TNRC6B: variants seen among roughly 807,000 people sequenced by gnomAD.
The protein encoded by TNRC6B is trinucleotide repeat-containing gene 6B protein.
In TNRC6B, 52 loss-of-function variants were observed where a neutral mutation model predicts 203.6. The observed-to-expected ratio is 0.26, with a 90% CI of 0.20 to 0.32. The LOEUF is 0.32. TNRC6B is among the 10% of genes least tolerant of loss of function. The pLI, the probability that TNRC6B is intolerant of heterozygous loss-of-function variation, is 1.00. For synonymous variants in TNRC6B, 838 were observed against 845.7 expected (o/e 0.99, Z 0.16); for missense variants, 1,923 against 2,286.2 (o/e 0.84, Z 3.24).
chr22:40,251,313 A>G (rs2070189382), intron 3 of TNRC6B, 113 bp downstream of exon 3: 2 of 783,960 alleles, frequency 2.6e-6, no homozygotes, highest in South Asian at 4.2e-5. Context: ...AGAGTAATTA[A>G]GGTGGGTTGT....
chr22:40,130,792 A>T, intron 3 of TNRC6B, among the ~76,000 whole-genome samples: 1 of 151,708 alleles, frequency 6.6e-6, no homozygotes, highest in Middle Eastern at 3.4e-3. Context: ...AAAAAAAAAA[A>T]AAAAAAAAAA....
rs1028344515 is a variant in TNRC6B, at chr22:40,324,719, C to G, written c.*1478C>G. On this transcript the variant is annotated 3_prime_UTR_variant, in exon 23 of 23. Coordinates refer to ENST00000454349, the MANE Select transcript of TNRC6B (RefSeq NM_001162501.2). Reference sequence around the variant, plus strand: ...ACTTCAAGCGTTTCCTTTTGTTTCTCTGTGTTGTGTATTTCCTGTGTATGT... The same window carrying G: ...ACTTCAAGCGTTTCCTTTTGTTTCTGTGTGTTGTGTATTTCCTGTGTATGT... The G allele has an allele frequency of 1.2e-4, 18 of 152,722 alleles. No individual in the cohort carries two copies. The highest frequency in any genetic ancestry group is 4.3e-4 in the African/African-American group (18 of 41,548). The allele number at this position is 152,722 out of a possible 1,614,324, so 9.5% of individuals were successfully genotyped here.
chr22:40,286,427 T>C (rs866060546), intron 12 of TNRC6B, among the ~76,000 whole-genome samples: 1 of 151,952 alleles, frequency 6.6e-6, no homozygotes, highest in Non-Finnish European at 1.5e-5. Flanking sequence ...GAATCGCTTG[T>C]ACCCAGGAGG....
chr22:40,270,004 C>G (rs1179560388), intron 5 of TNRC6B, 118 bp from the exon 6 acceptor site: 15 of 989,970 alleles, frequency 1.5e-5, no homozygotes, highest in Non-Finnish European at 2.0e-5. Flanking sequence ...AAAGTTGAAT[C>G]TATTTACATT....
chr22:40,220,662 C>G (rs1042891241), intron 1 of TNRC6B, among the ~76,000 whole-genome samples: 3 of 152,136 alleles, frequency 2.0e-5, no homozygotes, highest in Admixed American at 6.5e-5. Context: ...TTTCCCATCT[C>G]CTTTCACCTT....
chr22:40,239,444 TTGTGGGGTC>T (rs1220960132), intron 1 of TNRC6B, among the ~76,000 whole-genome samples: 1 of 151,944 alleles, frequency 6.6e-6, no homozygotes, highest in Admixed American at 6.6e-5. Flanking sequence ...GGGGCAATAG[TTGTGGGGTC>T]TGCAGAAGAA....
chr22:40,322,991 C>T lies in TNRC6B; in HGVS notation c.5252C>T (p.Thr1751Ile), dbSNP rs779988655. ...APAAGWQSLE[T>I]GQNQSDPVGP... Reference sequence around the variant, plus strand: ...GCTGCGGGGTGGCAGTCGCTGGAGACCGGCCAGAACCAGTCAGATCCCGTG... The same window carrying T: ...GCTGCGGGGTGGCAGTCGCTGGAGATCGGCCAGAACCAGTCAGATCCCGTG... The change falls in exon 23 of 23, where the codon ACC becomes ATC. Residue 1751 changes from threonine (T) to isoleucine (I), a missense_variant. Thr to Ile is a moderately conservative substitution (Grantham distance 89). Around this residue, in one of 8 missense-constraint regions of TNRC6B, gnomAD observed 126 missense variants for 137.5 expected, o/e 0.92. Transcript: ENST00000454349. 8.1e-6 allele frequency: 13 copies of T among 1,609,672 alleles called. No homozygotes were observed. The East Asian group carries it at 2.5e-4, about 30-fold the overall frequency.
intron 1 of TNRC6B, among the ~76,000 whole-genome samples, chr22:40,057,699 T>C (rs1022175926): frequency 3.9e-5 from 6 of 152,216 alleles, no homozygotes; most frequent in Non-Finnish European, 7.3e-5. Flanking sequence ...GACCCCCTGG[T>C]CAGCATATCA....
At chr22:40,073,745 C>T (rs2067976812) in intron 1 of TNRC6B, among the ~76,000 whole-genome samples, 1 of 152,002 alleles carries the variant, frequency 6.6e-6, no homozygotes, top group Non-Finnish European at 1.5e-5. Context: ...GAAGCTTCAT[C>T]TCTACTAAAA....
At chr22:40,202,961 C>T (rs551632022) in intron 1 of TNRC6B, among the ~76,000 whole-genome samples, 1 of 152,214 alleles carries the variant, frequency 6.6e-6, no homozygotes, top group African/African-American at 2.4e-5. Context: ...ATCTAACACA[C>T]TGAATTTAGT....
chr22:40,153,998 G>A (rs1230830793), intron 3 of TNRC6B, among the ~76,000 whole-genome samples: 3 of 150,172 alleles, frequency 2.0e-5, no homozygotes, highest in Non-Finnish European at 4.4e-5. Flanking sequence ...TAAGACTTAG[G>A]GTCTCGCTGT....
intron 1 of TNRC6B, among the ~76,000 whole-genome samples, chr22:40,104,425 G>A (rs1177406625): frequency 6.6e-6 from 1 of 152,196 alleles, no homozygotes; most frequent in African/African-American, 2.4e-5. Context: ...CTTCCATTTT[G>A]TGGTGTACAC....
intron 1 of TNRC6B, among the ~76,000 whole-genome samples, chr22:40,070,887 A>C (rs1016667265): frequency 1.3e-5 from 2 of 152,240 alleles, no homozygotes; most frequent in South Asian, 2.1e-4. Context: ...TCAGCAGCCA[A>C]AGCTATGACT....
At chr22:40,137,139 A>G (rs2068606809) in intron 3 of TNRC6B, among the ~76,000 whole-genome samples, 1 of 152,238 alleles carries the variant, frequency 6.6e-6, no homozygotes, top group Non-Finnish European at 1.5e-5. Context: ...GGATGCAGAG[A>G]AAAAAGATTT....
intron 16 of TNRC6B, among the ~76,000 whole-genome samples, chr22:40,308,968 G>A (rs1348363909): frequency 6.6e-6 from 1 of 152,206 alleles, no homozygotes; most frequent in Non-Finnish European, 1.5e-5. Context: ...GCGGAGCAAG[G>A]GATCATAACA....
chr22:40,136,567 A>ATT (rs925448897), intron 3 of TNRC6B, among the ~76,000 whole-genome samples: 1 of 146,346 alleles, frequency 6.8e-6, no homozygotes, highest in African/African-American at 2.5e-5. Context: ...ACCGAGCTAA[A>ATT]TTTTTTTTTT....
intron 2 of TNRC6B, among the ~76,000 whole-genome samples, chr22:40,120,672 A>G (rs1159287639): frequency 6.6e-6 from 1 of 152,204 alleles, no homozygotes; most frequent in Non-Finnish European, 1.5e-5. Context: ...AGGGTATCCA[A>G]TAAGTAATAT....
Position 40,177,938 on chromosome 22 carries a change from G to A in TNRC6B, c.-198G>A. 1.4e-6 allele frequency: 2 copies of A among 1,379,454 alleles called. No homozygotes were observed. Among genetic ancestry groups the A allele is most frequent in the African/African-American group, 1.5e-5 (1 of 66,338 alleles). The allele number at this position is 1,379,454 out of a possible 1,614,324, so 85.5% of individuals were successfully genotyped here. A position where few individuals can be genotyped will look rare whatever the true frequency, so the allele number is the denominator to read the frequency against. The stretch of plus-strand genomic sequence containing the variant: ...GCTGCTTCCTTTAGAGACAGAGAGG[G>A]AGAGAGAGAGCAAGAGGGAGAGTGT... On this transcript the variant is annotated 5_prime_UTR_variant, in exon 1 of 23. Transcript: ENST00000454349.
chr22:40,058,249 A>G (rs1484535449), intron 1 of TNRC6B, among the ~76,000 whole-genome samples: 1 of 152,258 alleles, frequency 6.6e-6, no homozygotes, highest in Non-Finnish European at 1.5e-5. Context: ...AAAACAAAAC[A>G]TAAACGGTAA....
Sources: allele counts gnomAD v4.1 joint callset (sites outside exome capture counted in the v4.1 genomes callset), GRCh38; gene constraint gnomAD v4.1.1; regional missense constraint gnomAD v4.1.1; transcripts MANE v1.5; gene names NCBI Gene and HGNC (gene_info 2026-07-23, HGNC 2026-07-21).